AKAP9: variants seen among roughly 807,000 people sequenced by gnomAD.
AKAP9 encodes A-kinase anchoring protein 9.
AKAP9 carries 311 observed loss-of-function variants against 488.5 expected under a neutral mutation model. That is an observed-to-expected ratio of 0.64 (90% CI 0.58 to 0.70). The LOEUF (loss-of-function observed/expected upper bound fraction) is 0.70. Among genes scored for constraint, AKAP9 ranks in the 30% least tolerant of loss-of-function variants. The pLI, the probability that AKAP9 is intolerant of heterozygous loss-of-function variation, is 0.00. For missense variants in AKAP9, 4,215 were observed against 4,374.5 expected (o/e 0.96, Z 1.03); for synonymous variants, 1,462 against 1,483.5 (o/e 0.99, Z 0.33).
chr7:92,084,975 C>T (rs1262463024), intron 35 of AKAP9, 35 bp downstream of exon 35: 5 of 1,606,248 alleles, frequency 3.1e-6, no homozygotes, highest in South Asian at 1.1e-5. Flanking sequence ...TTAACTCAGC[C>T]AGTGTTGTTT....
intron 22 of AKAP9, among the ~76,000 whole-genome samples, chr7:92,053,585 G>C (rs185977839): frequency 6.6e-6 from 1 of 152,154 alleles, no homozygotes; most frequent in African/African-American, 2.4e-5. Flanking sequence ...TATGTGACCA[G>C]GTAGTGAAGT....
chr7:92,077,415 G>A (rs761665855), intron 29 of AKAP9, among the ~76,000 whole-genome samples: 5 of 151,740 alleles, frequency 3.3e-5, no homozygotes, highest in African/African-American at 4.8e-5. Flanking sequence ...TTAAGCATTC[G>A]ATAAATCCAG....
rs763275190 is a variant in AKAP9 at position 92,085,619 on chromosome 7, C to G, written c.8957C>G (p.Ala2986Gly). 9.9e-6 allele frequency: 16 copies of G among 1,613,784 alleles called. No individual in the cohort carries two copies. Among genetic ancestry groups the G allele is most frequent in the Non-Finnish European group, 1.4e-5 (16 of 1,179,872 alleles). The part of the protein sequence containing the change: ...VSEPWLEERK[A>G]YINTISSLKD... ...GAACCTTGGCTAGAAGAGAGAAAAG[C>G]TTACATCAATACAATCTCATCTCTA... Residue 2986 changes from alanine (A) to glycine (G), a missense_variant, in exon 36 of 50, where the codon GCT (alanine) becomes GGT (glycine). Physicochemically the swap from Ala to Gly is moderately conservative, Grantham distance 60. Transcript: ENST00000356239.
chr7:92,065,094 A>G (rs1425151079), intron 24 of AKAP9, 137 bp from the exon 25 acceptor site: 9 of 508,310 alleles, frequency 1.8e-5, no homozygotes, highest in African/African-American at 1.7e-4. Flanking sequence ...TTCATAAGAG[A>G]ATATTTACTT....
intron 1 of AKAP9, among the ~76,000 whole-genome samples, chr7:91,945,739 G>A (rs866719871): frequency 1.3e-5 from 2 of 152,130 alleles, no homozygotes; most frequent in African/African-American, 2.4e-5. Flanking sequence ...GTGTTTTGAC[G>A]AGGATGGCAC....
intron 16 of AKAP9, among the ~76,000 whole-genome samples, chr7:92,034,493 T>TAG (rs1804841181): frequency 1.1e-5 from 1 of 92,670 alleles, no homozygotes; most frequent in African/African-American, 4.5e-5. Flanking sequence ...TATATATATA[T>TAG]ATATATTTTT....
At chr7:92,055,695 T>A (rs1442362427) in intron 22 of AKAP9, among the ~76,000 whole-genome samples, 1 of 152,012 alleles carries the variant, frequency 6.6e-6, no homozygotes, top group Non-Finnish European at 1.5e-5. Flanking sequence ...TATTTTTGAT[T>A]GCAAGAAGTT....
At chr7:91,997,831 C>G (rs1294739234) in intron 7 of AKAP9, among the ~76,000 whole-genome samples, 1 of 152,158 alleles carries the variant, frequency 6.6e-6, no homozygotes, top group East Asian at 1.9e-4. Context: ...ATACTTTTAT[C>G]AATCTGTTTT....
At chr7:92,041,037 C>A (rs1806022950) in intron 18 of AKAP9, 139 bp downstream of exon 18, 2 of 676,416 alleles carry the variant, frequency 3.0e-6, no homozygotes, top group East Asian at 2.7e-5. Context: ...TCTGAATAAA[C>A]TACATATATT....
chr7:91,959,175 A>G (rs1255498863), intron 1 of AKAP9, among the ~76,000 whole-genome samples: 1 of 152,178 alleles, frequency 6.6e-6, no homozygotes, highest in Non-Finnish European at 1.5e-5. Flanking sequence ...ATGAGCCACC[A>G]CACTGACTTG....
chr7:92,041,186 G>C (rs1806050889), intron 18 of AKAP9: 1 of 354,286 alleles, frequency 2.8e-6, no homozygotes, highest in Admixed American at 4.3e-5. Context: ...TGGCTACACG[G>C]TTTTGTTTTT....
In AKAP9 at chr7:92,105,799, A is replaced by G. The variant is rs537497304; in HGVS notation, c.11416+36A>G. The G allele has an allele frequency of 1.9e-6, 3 of 1,565,194 alleles. No individual in the cohort carries two copies. In the South Asian group the frequency reaches 3.3e-5, roughly 17 times the overall value. On this transcript the variant is annotated intron_variant, in intron 47 of 49. Transcript: ENST00000356239. ...AATAGCATATTTTCTTATGTTTATG[A>G]CTCTCTAAATCAGAGGTCCCCCACC...
At chr7:92,058,585 A>G (rs1436493735) in intron 22 of AKAP9, among the ~76,000 whole-genome samples, 1 of 152,092 alleles carries the variant, frequency 6.6e-6, no homozygotes, top group Non-Finnish European at 1.5e-5. Flanking sequence ...CTATGTTTAC[A>G]ATTACAGAAA....
At chr7:92,016,848 G>A (rs1362056936) in intron 11 of AKAP9, among the ~76,000 whole-genome samples, 169 bp from the exon 12 acceptor site, 2 of 151,996 alleles carry the variant, frequency 1.3e-5, no homozygotes, top group African/African-American at 2.4e-5. Flanking sequence ...AGTTATCTTT[G>A]TAGCAGGCAT....
At chr7:91,984,229 C>A (rs191510229) in intron 3 of AKAP9, among the ~76,000 whole-genome samples, 2 of 152,142 alleles carry the variant, frequency 1.3e-5, no homozygotes, top group Middle Eastern at 3.4e-3. Flanking sequence ...AAGGTTATTG[C>A]CTAGGTTTTC....
intron 45 of AKAP9, 146 bp from the exon 46 acceptor site, chr7:92,102,448 T>TTACTACTACTACTACTACTAC (rs11276778): frequency 1.1e-4 from 65 of 594,662 alleles, no homozygotes; most frequent in East Asian, 2.3e-4. Context: ...CGTTTTACTA[T>TTACTACTACTACTACTACTAC]TACTACTACT....
intron 8 of AKAP9, among the ~76,000 whole-genome samples, chr7:92,003,944 A>G (rs931467755): frequency 4.6e-5 from 7 of 152,188 alleles, no homozygotes; most frequent in African/African-American, 7.2e-5. Context: ...TTTTTCTAAC[A>G]TATTTATTGA....
intron 10 of AKAP9, 51 bp from the exon 11 acceptor site, chr7:92,016,078 G>A (rs1237015024): frequency 3.1e-5 from 45 of 1,473,554 alleles, no homozygotes; most frequent in Non-Finnish European, 4.1e-5. Flanking sequence ...ATCTTTAGAA[G>A]CAGAAATCAA....
At chr7:92,052,983 G>T (rs776394709) in intron 22 of AKAP9, 25 bp downstream of exon 22, 1 of 1,557,572 alleles carries the variant, frequency 6.4e-7, no homozygotes, top group Admixed American at 1.7e-5. Context: ...TTGCTAATAT[G>T]TACTGAGTTT....
Sources: gnomAD v4.1 joint callset for allele counts (sites outside exome capture counted in the v4.1 genomes callset) on GRCh38, gnomAD v4.1.1 for gene constraint, MANE v1.5 for transcripts, NCBI Gene and HGNC (gene_info 2026-07-23, HGNC 2026-07-21) for gene names.